CEP89: variants seen among roughly 807,000 people sequenced by gnomAD.
The protein encoded by CEP89 is centrosomal protein 89, also known as centrosomal protein of 89 kDa.
In CEP89, 95 loss-of-function variants were observed where a neutral mutation model predicts 97.6. That is an observed-to-expected ratio of 0.97 (90% CI 0.82 to 1.15). The LOEUF (loss-of-function observed/expected upper bound fraction) is 1.15, where lower values mean the gene tolerates loss of function less well. Ranked by LOEUF, CEP89 falls within the 50% of genes most tolerant of loss-of-function variation. The pLI is 0.00. For synonymous variants in CEP89, 354 were observed against 349.1 expected (o/e 1.01, Z -0.16); for missense variants, 869 against 947.7 (o/e 0.92, Z 1.09).
chr19:32,940,909 C>T (rs1865039), intron 5 of CEP89, among the ~76,000 whole-genome samples: 29,898 of 151,714 alleles, frequency 0.2, 3,028 homozygotes, highest in African/African-American at 0.23. Context: ...TACAGGCATG[C>T]GCCACGACAC....
intron 5 of CEP89, 114 bp from the exon 6 acceptor site, chr19:32,939,999 G>C: frequency 1.8e-6 from 1 of 551,908 alleles, no homozygotes; most frequent in Non-Finnish European, 3.3e-6. Context: ...ACAAGGCCCA[G>C]AACAGGGATA....
intron 17 of CEP89, among the ~76,000 whole-genome samples, chr19:32,882,222 A>C (rs927713794): frequency 1.3e-5 from 2 of 152,250 alleles, no homozygotes; most frequent in African/African-American, 4.8e-5. Context: ...ACCAAATTTT[A>C]ATGTATATAA....
At chr19:32,923,674 T>TC (rs994478476) in intron 11 of CEP89, 132 bp from the exon 12 acceptor site, 6 of 639,482 alleles carry the variant, frequency 9.4e-6, no homozygotes, top group Middle Eastern at 2.6e-4. Context: ...AGGCCAGCCT[T>TC]CAACTCTCGG....
chr19:32,948,315 TTGA>T lies in CEP89; in HGVS notation c.543_545del (p.His181del). ...CAGGAGGGGAGCCTGGAAACCCATC[TTGA>T]TGAGAAATATTTTCATCGTCTTCAC... On this transcript the variant is annotated inframe_deletion, in exon 5 of 19. Coordinates refer to ENST00000305768, the MANE Select transcript of CEP89 (RefSeq NM_032816.5). 1 of 1,612,302 alleles carries T rather than the reference TTGA, an allele frequency of 6.2e-7. No homozygotes were observed. Among genetic ancestry groups the T allele is most frequent in the Non-Finnish European group, 8.5e-7 (1 of 1,179,240 alleles).
At chr19:32,920,037 C>G (rs1238120860) in intron 12 of CEP89, among the ~76,000 whole-genome samples, 1 of 151,994 alleles carries the variant, frequency 6.6e-6, no homozygotes, top group Non-Finnish European at 1.5e-5. Flanking sequence ...ATTCATTTCA[C>G]TTTTTATTTT....
At chr19:32,919,068 G>A (rs1472389955) in intron 12 of CEP89, among the ~76,000 whole-genome samples, 1 of 151,780 alleles carries the variant, frequency 6.6e-6, no homozygotes, top group Non-Finnish European at 1.5e-5. Context: ...TGTATTTTTA[G>A]TAGAAACAGG....
chr19:32,951,976 G>A (rs1970929847), intron 4 of CEP89, among the ~76,000 whole-genome samples: 1 of 152,140 alleles, frequency 6.6e-6, no homozygotes, highest in Admixed American at 6.6e-5. Flanking sequence ...GTGCGGGTGA[G>A]GAGCAGTGGG....
intron 2 of CEP89, among the ~76,000 whole-genome samples, chr19:32,960,983 C>T (rs1971155601): frequency 6.6e-6 from 1 of 152,046 alleles, no homozygotes; most frequent in Non-Finnish European, 1.5e-5. Flanking sequence ...GAGAGAACTG[C>T]ACAGAGAGAA....
chr19:32,897,641 A>ACC (rs1969671675), intron 16 of CEP89, among the ~76,000 whole-genome samples: 1 of 152,086 alleles, frequency 6.6e-6, no homozygotes, highest in Non-Finnish European at 1.5e-5. Context: ...GTACAGTGGA[A>ACC]TGATCGACCT....
chr19:32,912,149 G>A (rs1171339785), intron 14 of CEP89, among the ~76,000 whole-genome samples: 1 of 150,712 alleles, frequency 6.6e-6, no homozygotes, highest in African/African-American at 2.4e-5. Flanking sequence ...GCTGCAGTGA[G>A]CCAAGATCGC....
At chr19:32,927,903 C>CTTTTTTTTTT (rs60706354) in intron 9 of CEP89, among the ~76,000 whole-genome samples, 2 of 116,348 alleles carry the variant, frequency 1.7e-5, no homozygotes, top group Non-Finnish European at 1.7e-5. Context: ...GCACACTTGG[C>CTTTTTTTTTT]TTTTTTTTTT....
chr19:32,925,882 C>T (rs1047778265), intron 11 of CEP89, among the ~76,000 whole-genome samples: 6 of 152,226 alleles, frequency 3.9e-5, no homozygotes, highest in Admixed American at 2.6e-4. Context: ...AAGATCTCAG[C>T]CCATATGGGC....
Position 32,936,012 on chromosome 19 carries a change from C to T in CEP89, c.667+1619G>A, listed in dbSNP as rs1401202422. Among the ~76,000 whole-genome samples, 1 of 152,176 alleles carries T rather than the reference C, an allele frequency of 6.6e-6. No homozygotes were observed. The highest frequency in any genetic ancestry group is 1.9e-4 in the East Asian group (1 of 5,192). ...CCCTGCCCCTTCTGAGTTGGTGGGG[C>T]AGGAGCTCATGGGGTGCTGCTACAG... On this transcript the variant is annotated intron_variant, in intron 7 of 18. Coordinates refer to ENST00000305768, the MANE Select transcript of CEP89 (RefSeq NM_032816.5). The surrounding 1 kb of genome is among the most constrained non-coding windows in gnomAD (Gnocchi z 4.5).
intron 4 of CEP89, among the ~76,000 whole-genome samples, chr19:32,951,847 T>C (rs1970925869): frequency 6.6e-6 from 1 of 152,124 alleles, no homozygotes; most frequent in Non-Finnish European, 1.5e-5. Flanking sequence ...GGAAAGAGTC[T>C]CTGTAGGTCA....
chr19:32,889,824 T>C (rs1244470721), intron 16 of CEP89, among the ~76,000 whole-genome samples: 1 of 152,116 alleles, frequency 6.6e-6, no homozygotes, highest in Non-Finnish European at 1.5e-5. Context: ...TTCGGCCCTT[T>C]AGATTTTTCA....
intron 16 of CEP89, among the ~76,000 whole-genome samples, chr19:32,897,748 G>A (rs1425237992): frequency 6.6e-6 from 1 of 152,202 alleles, no homozygotes; most frequent in East Asian, 1.9e-4. Flanking sequence ...TATTTGTAGA[G>A]ACAGGTTCTC....
At chr19:32,910,466 A>G (rs551605939) in intron 14 of CEP89, among the ~76,000 whole-genome samples, 7 of 152,288 alleles carry the variant, frequency 4.6e-5, no homozygotes, top group African/African-American at 1.7e-4. Flanking sequence ...CGTAGACTAA[A>G]TACTGTACAA....
In CEP89 at chr19:32,877,028, C is replaced by T. The variant is rs1440725294; in HGVS notation, c.*2134G>A. ...GCCCCGCGCAGCCACGCTGGGCTGC[C>T]GCCGCCTGTCAGCCTGTCTACAGGA... On this transcript the variant is annotated 3_prime_UTR_variant, in exon 19 of 19. Coordinates refer to ENST00000305768, the MANE Select transcript of CEP89 (RefSeq NM_032816.5). 1 of 152,166 alleles carries T rather than the reference C, an allele frequency of 6.6e-6. No homozygotes were observed. 9.4% of individuals were successfully genotyped at this position (152,166 alleles called of 1,614,324 possible).
intron 14 of CEP89, among the ~76,000 whole-genome samples, chr19:32,910,914 A>C (rs186482161): frequency 6.6e-6 from 1 of 152,234 alleles, no homozygotes; most frequent in African/African-American, 2.4e-5. Context: ...TTATTTTGTT[A>C]TAAGTAGAAG....
Sources: allele counts gnomAD v4.1 joint callset (sites outside exome capture counted in the v4.1 genomes callset), GRCh38; gene constraint gnomAD v4.1.1; non-coding constraint Gnocchi (gnomAD v3.1); transcripts MANE v1.5; gene names NCBI Gene and HGNC (gene_info 2026-07-23, HGNC 2026-07-21).